CAPN13: variants seen among roughly 807,000 people sequenced by gnomAD.
The protein encoded by CAPN13 is calpain 13.
Under a neutral mutation model 98.4 loss-of-function variants are expected in CAPN13, and 90 were observed. The observed-to-expected ratio is 0.92, with a 90% CI of 0.77 to 1.09. The LOEUF is 1.09. CAPN13 is among the 50% of genes least tolerant of loss of function. The pLI, the probability that CAPN13 is intolerant of heterozygous loss-of-function variation, is 0.00. For synonymous variants in CAPN13, 330 were observed against 305.5 expected, an observed-to-expected ratio of 1.08 and a Z score of -0.84; for missense variants, 887 against 841.3, an observed-to-expected ratio of 1.05 and a Z score of -0.67.
intron 1 of CAPN13, among the ~76,000 whole-genome samples, chr2:30,793,479 T>C (rs1001945923): frequency 1.3e-5 from 2 of 151,686 alleles, no homozygotes; most frequent in Middle Eastern, 3.2e-3. Flanking sequence ...GGTTCATTTA[T>C]TGGAAGGCTC....
chr2:30,758,817 C>CTTCCTCCCTCCCT, intron 7 of CAPN13, among the ~76,000 whole-genome samples: 7 of 90,972 alleles, frequency 7.7e-5, no homozygotes, highest in African/African-American at 3.5e-4. Flanking sequence ...CCTTCCCTTC[C>CTTCCTCCCTCCCT]TCCCTTCCTT....
intron 1 of CAPN13, chr2:30,806,046 T>G (rs1033645307): frequency 6.6e-6 from 1 of 152,136 alleles, no homozygotes; most frequent in Non-Finnish European, 1.5e-5. Context: ...TCCCAAAGTG[T>G]TGAGATTACA....
At chr2:30,767,570 G>T (rs927154946) in intron 5 of CAPN13, among the ~76,000 whole-genome samples, 1 of 152,174 alleles carries the variant, frequency 6.6e-6, no homozygotes, top group Non-Finnish European at 1.5e-5. Flanking sequence ...GTATTGAAAA[G>T]ATAATGGCAG....
intron 13 of CAPN13, 77 bp from the exon 14 acceptor site, chr2:30,742,436 G>A (rs751410360): frequency 5.4e-6 from 8 of 1,486,582 alleles, no homozygotes; most frequent in Non-Finnish European, 7.4e-6. Flanking sequence ...AGGGCACCCA[G>A]GTGGCACTGG....
chr2:30,737,942 A>AG (rs1474634817), intron 17 of CAPN13: 8 of 424,540 alleles, frequency 1.9e-5, no homozygotes, highest in Non-Finnish European at 3.4e-5. Flanking sequence ...TTTGTATCAG[A>AG]GGGATTGCTT....
chr2:30,795,018 A>G lies in CAPN13; in HGVS notation c.-32-7661T>C, dbSNP rs966535915. Reference sequence around the variant, plus strand: ...TACCTTAAACATATGCAGTTTTTGTATATTCTAAGTAGAGTTGTTTCAAAA... The same window carrying G: ...TACCTTAAACATATGCAGTTTTTGTGTATTCTAAGTAGAGTTGTTTCAAAA... On this transcript the variant is annotated intron_variant, in intron 1 of 22. Transcript: ENST00000295055. 3.3e-5 allele frequency among the ~76,000 whole-genome samples: 5 copies of G among 152,026 alleles called. No homozygotes were observed. In the East Asian group the frequency reaches 9.6e-4, roughly 29 times the overall value.
chr2:30,745,883 T>C, intron 11 of CAPN13, 149 bp from the exon 12 acceptor site: 1 of 578,190 alleles, frequency 1.7e-6, no homozygotes, highest in Non-Finnish European at 2.9e-6. Flanking sequence ...ATATCTGTTA[T>C]GCCATAAAGC....
intron 1 of CAPN13, among the ~76,000 whole-genome samples, chr2:30,793,002 G>C (rs1203179515): frequency 6.6e-6 from 1 of 151,842 alleles, no homozygotes; most frequent in Non-Finnish European, 1.5e-5. Context: ...AGAAATAGTA[G>C]GTAACATCCT....
chr2:30,727,990 T>C (rs1272370400), intron 22 of CAPN13, among the ~76,000 whole-genome samples: 1 of 151,960 alleles, frequency 6.6e-6, no homozygotes, highest in Non-Finnish European at 1.5e-5. Context: ...AATGAAGTAC[T>C]GATACACGCT....
In CAPN13 at chr2:30,792,147, T is replaced by C. The variant is rs142331804; in HGVS notation, c.-32-4790A>G. Among the ~76,000 whole-genome samples, 291 of 152,178 alleles carry C rather than the reference T, an allele frequency of 1.9e-3. 1 individual carries two copies. The highest frequency in any genetic ancestry group is 5.1e-3 in the African/African-American group (213 of 41,538). On this transcript the variant is annotated intron_variant, in intron 1 of 22. Transcript: ENST00000295055. ...ATATCATAAGAGAATTAGGAAGACG[T>C]GAATAAGTAGAAGGACATAAATAAG...
chr2:30,725,704 C>G (rs1670836167), intron 22 of CAPN13, among the ~76,000 whole-genome samples: 1 of 152,324 alleles, frequency 6.6e-6, no homozygotes, highest in Non-Finnish European at 1.5e-5. Context: ...CGATAAAAGT[C>G]TCTTTGCTGA....
chr2:30,791,906 A>G (rs1674626227), intron 1 of CAPN13, among the ~76,000 whole-genome samples: 1 of 152,238 alleles, frequency 6.6e-6, no homozygotes, highest in Non-Finnish European at 1.5e-5. Context: ...TCAGAAATAA[A>G]TAGTTGTAAG....
At chr2:30,777,711 T>TG in intron 2 of CAPN13, 72 bp from the exon 3 acceptor site, 2 of 1,277,566 alleles carry the variant, frequency 1.6e-6, no homozygotes, top group Non-Finnish European at 2.2e-6. Context: ...TCATTCACTT[T>TG]GTCTTTCAAG....
chr2:30,733,476 T>C (rs996613240), intron 19 of CAPN13, among the ~76,000 whole-genome samples: 2 of 152,116 alleles, frequency 1.3e-5, no homozygotes, highest in Non-Finnish European at 2.9e-5. Flanking sequence ...TGTGAGGTCT[T>C]TCTAAAAGAT....
At chr2:30,736,220 G>C (rs1671357343) in intron 18 of CAPN13, among the ~76,000 whole-genome samples, 1 of 151,458 alleles carries the variant, frequency 6.6e-6, no homozygotes, top group Admixed American at 6.6e-5. Flanking sequence ...TGGATGCAGG[G>C]GCGGGGGTGG....
chr2:30,732,359 G>T, intron 20 of CAPN13, 79 bp downstream of exon 20: 1 of 1,572,006 alleles, frequency 6.4e-7, no homozygotes, highest in Non-Finnish European at 8.6e-7. Context: ...GACCTGGGGT[G>T]GGGTAGGGGG....
intron 18 of CAPN13, 88 bp downstream of exon 18, chr2:30,736,415 C>A: frequency 7.6e-7 from 1 of 1,314,580 alleles, no homozygotes; most frequent in Non-Finnish European, 1.1e-6. Context: ...CTTTCATACC[C>A]CTGAACCCTG....
In CAPN13 at chr2:30,732,479, G is replaced by A; in HGVS notation, c.1886C>T (p.Pro629Leu). 1 of 1,613,548 alleles carries A rather than the reference G, an allele frequency of 6.2e-7. No individual in the cohort carries two copies. The highest frequency in any genetic ancestry group is 8.5e-7 in the Non-Finnish European group (1 of 1,179,754). The change falls in exon 20 of 23, where the codon CCC becomes CTC. Residue 629 changes from proline (P) to leucine (L), a missense_variant. Physicochemically the swap from Pro to Leu is moderately conservative, Grantham distance 98. Transcript: ENST00000295055. ...YSDSVGRVSF[P>L]SLVCFLMRLE... is the part of the protein sequence containing the mutation. ...CCGCATCAGGAAGCAGACCAGGCTG[G>A]GGAAGCTGACCCTGCCGACGCTGTC...
At chr2:30,745,065 T>C (rs932721899) in intron 12 of CAPN13, among the ~76,000 whole-genome samples, 5 of 152,140 alleles carry the variant, frequency 3.3e-5, no homozygotes, top group African/African-American at 1.2e-4. Context: ...CTTTGTTGTC[T>C]GTGGCCACAT....
Sources: gnomAD v4.1 joint callset for allele counts (sites outside exome capture counted in the v4.1 genomes callset) on GRCh38, gnomAD v4.1.1 for gene constraint, MANE v1.5 for transcripts, NCBI Gene and HGNC (gene_info 2026-07-23, HGNC 2026-07-21) for gene names.